B4GALT1: variants seen among roughly 807,000 people sequenced by gnomAD.
B4GALT1 encodes beta-1,4-galactosyltransferase 1.
A neutral mutation model predicts 34.9 loss-of-function variants in B4GALT1; 16 were observed. The observed-to-expected ratio is 0.46, with a 90% CI of 0.31 to 0.70. The LOEUF (loss-of-function observed/expected upper bound fraction) is 0.70, where lower values mean the gene tolerates loss of function less well. Ranked by LOEUF, B4GALT1 falls within the 30% of genes least tolerant of loss-of-function variation. B4GALT1 has a pLI of 0.05. For synonymous variants in B4GALT1, 221 were observed against 218.1 expected (o/e 1.01, Z -0.12); for missense variants, 445 against 530.5 (o/e 0.84, Z 1.58).
intron 1 of B4GALT1, among the ~76,000 whole-genome samples, chr9:33,160,041 G>C (rs1840652507): frequency 6.6e-6 from 1 of 152,184 alleles, no homozygotes; most frequent in Admixed American, 6.5e-5. Flanking sequence ...TTTTTAATCA[G>C]AATTCTAGAC....
At chr9:33,149,733 G>C (rs1030052931) in intron 1 of B4GALT1, among the ~76,000 whole-genome samples, 2 of 152,168 alleles carry the variant, frequency 1.3e-5, no homozygotes, top group African/African-American at 4.8e-5. Context: ...GAAGAACTCA[G>C]CATCATTTCA....
chr9:33,175,020 T>TATATATATATATATATATATAAAA, the B4GALT1 span, among the ~76,000 whole-genome samples: 5 of 39,074 alleles, frequency 1.3e-4, no homozygotes, highest in Non-Finnish European at 2.8e-4. Context: ...TATATATATA[T>TATATATATATATATATATATAAAA]AAAATTGGAG....
In B4GALT1 at chr9:33,114,155, T is replaced by C. The variant is rs140657365; in HGVS notation, c.960-277A>G. Among the ~76,000 whole-genome samples, 580 of 152,356 alleles carry C rather than the reference T, an allele frequency of 3.8e-3. 5 individuals carry two copies. Among genetic ancestry groups the C allele is most frequent in the Non-Finnish European group, 6.1e-3 (413 of 68,042 alleles). ...CCCACAGAATATACAGTGTGAATGC[T>C]TCAAACATAGGGCCTTTAGGGCCAG... On this transcript the variant is annotated intron_variant, in intron 4 of 5. Coordinates refer to ENST00000379731, the MANE Select transcript of B4GALT1 (RefSeq NM_001497.4).
intron 1 of B4GALT1, 128 bp from the exon 2 acceptor site, chr9:33,135,552 C>T (rs1348035045): frequency 6.6e-6 from 6 of 915,750 alleles, no homozygotes; most frequent in South Asian, 5.7e-5. Flanking sequence ...GGCAACGTGG[C>T]CACGGAGAGG....
chr9:33,147,095 A>G (rs1166423599), intron 1 of B4GALT1, among the ~76,000 whole-genome samples: 1 of 152,210 alleles, frequency 6.6e-6, no homozygotes, highest in African/African-American at 2.4e-5. Context: ...CTCCACCTCT[A>G]AAAAGCTACA....
chr9:33,104,607 A>G, exon 3 of B4GALT1: 1 of 365,678 alleles, frequency 2.7e-6, no homozygotes, highest in South Asian at 2.0e-5. Context: ...TTCAGCAACC[A>G]GGCTGAGTCC....
At chr9:33,157,927 TAAC>T (rs1840620421) in intron 1 of B4GALT1, among the ~76,000 whole-genome samples, 1 of 152,330 alleles carries the variant, frequency 6.6e-6, no homozygotes, top group South Asian at 2.1e-4. Flanking sequence ...ACAGAGAGGA[TAAC>T]AACTTTCTTA....
In B4GALT1 at chr9:33,113,138, C is replaced by T. The variant is rs41274023; in HGVS notation, c.*316G>A. 53 of 357,378 alleles carry T rather than the reference C, an allele frequency of 1.5e-4. No individual in the cohort carries two copies. The highest frequency in any genetic ancestry group is 2.6e-4 in the Non-Finnish European group (49 of 191,844). 22.1% of individuals were successfully genotyped at this position (357,378 alleles called of 1,614,324 possible). A position where few individuals can be genotyped will look rare whatever the true frequency, so the allele number is the denominator to read the frequency against. On this transcript the variant is annotated 3_prime_UTR_variant, in exon 6 of 6. Transcript: ENST00000379731. ...CCTATTTCACGACAATTTAGCAATT[C>T]TATCACCGGGAATGTGTTCCACGGC... is the stretch of plus-strand genomic sequence containing the variant.
At chr9:33,106,788 G>C (rs989945574), downstream of B4GALT1, among the ~76,000 whole-genome samples, 1 of 152,148 alleles carries the variant, frequency 6.6e-6, no homozygotes, top group African/African-American at 2.4e-5. Context: ...CAGGGCAAGA[G>C]GAAAAGTCAA....
At chr9:33,165,307 T>TAA (rs58960269) in intron 1 of B4GALT1, among the ~76,000 whole-genome samples, 13 of 151,756 alleles carry the variant, frequency 8.6e-5, no homozygotes, top group Middle Eastern at 3.4e-3. Context: ...CATTTAGTCT[T>TAA]AAAAAAACCC....
At chr9:33,116,582 G>A (rs181720681) in intron 3 of B4GALT1, among the ~76,000 whole-genome samples, 9 of 147,692 alleles carry the variant, frequency 6.1e-5, no homozygotes, top group African/African-American at 1.5e-4. Flanking sequence ...GTACAATGGC[G>A]TGATCTCGGC....
chr9:33,171,735 A>T (rs531843726), upstream of B4GALT1, among the ~76,000 whole-genome samples: 2 of 152,238 alleles, frequency 1.3e-5, no homozygotes, highest in Admixed American at 1.3e-4. Flanking sequence ...TAAAATTTTT[A>T]GTAGAGATGA....
At chr9:33,158,933 G>A (rs971127721) in intron 1 of B4GALT1, among the ~76,000 whole-genome samples, 1 of 152,194 alleles carries the variant, frequency 6.6e-6, no homozygotes, top group African/African-American at 2.4e-5. Context: ...TTCCTGGGGG[G>A]AGGGGGTCTC....
At chr9:33,139,195 G>C (rs1029363458) in intron 1 of B4GALT1, among the ~76,000 whole-genome samples, 1 of 152,132 alleles carries the variant, frequency 6.6e-6, no homozygotes, top group Non-Finnish European at 1.5e-5. Flanking sequence ...AGTGGGTTGA[G>C]GTAGGGAGGG....
chr9:33,160,516 C>T (rs1381207886), intron 1 of B4GALT1, among the ~76,000 whole-genome samples: 4 of 152,148 alleles, frequency 2.6e-5, no homozygotes, highest in Non-Finnish European at 5.9e-5. Flanking sequence ...CCTATAATCC[C>T]AGCGCTTTGG....
upstream of B4GALT1, among the ~76,000 whole-genome samples, chr9:33,169,023 T>G (rs1444506198): frequency 6.6e-6 from 1 of 152,188 alleles, no homozygotes; most frequent in Admixed American, 6.5e-5. Flanking sequence ...CAGTGCTACC[T>G]TCAAAACATC....
intron 1 of B4GALT1, among the ~76,000 whole-genome samples, chr9:33,160,172 A>T (rs1840654001): frequency 6.6e-6 from 1 of 152,142 alleles, no homozygotes; most frequent in African/African-American, 2.4e-5. Context: ...AACATTCAAC[A>T]CTTTTTTTCC....
rs116727990 is a variant in B4GALT1 at position 33,154,582 on chromosome 9, C to A, written c.412+12176G>T. On this transcript the variant is annotated intron_variant, in intron 1 of 5. Transcript: ENST00000379731. Reference sequence around the variant, plus strand: ...TGGCATGTAATAAGTGCTGAACAAGCATTATCTTTCGTTCAGTGATGTAGG... The same window carrying A: ...TGGCATGTAATAAGTGCTGAACAAGAATTATCTTTCGTTCAGTGATGTAGG... Among the ~76,000 whole-genome samples the A allele has an allele frequency of 9.8e-3, 1,489 of 152,328 alleles. 23 individuals carry two copies. The highest frequency in any genetic ancestry group is 0.034 in the African/African-American group (1,402 of 41,580).
the B4GALT1 span, chr9:33,179,028 G>C: frequency 1.3e-5 from 2 of 152,200 alleles, no homozygotes; most frequent in South Asian, 2.1e-4. Flanking sequence ...CATGGCACAA[G>C]ATGGGTGAAC....
Sources: allele counts gnomAD v4.1 joint callset (sites outside exome capture counted in the v4.1 genomes callset), GRCh38; gene constraint gnomAD v4.1.1; transcripts MANE v1.5; gene names NCBI Gene and HGNC (gene_info 2026-07-23, HGNC 2026-07-21).